The following ADCY8 variants were observed in gnomAD, a reference collection of about 807,000 sequenced individuals.
The protein encoded by ADCY8 is adenylate cyclase 8.
ADCY8 carries 51 observed loss-of-function variants against 119.7 expected under a neutral mutation model. The ratio of observed to expected loss-of-function variants is 0.43; its 90% CI spans 0.34 to 0.54. The LOEUF is 0.54. ADCY8 is among the 20% of genes least tolerant of loss of function. The probability of loss-of-function intolerance (pLI) is 0.03; values close to 1 mark genes in which losing one functional copy is unlikely to be tolerated. For missense variants in ADCY8, 1,383 were observed against 1,598.8 expected (o/e 0.87, Z 2.30); for synonymous variants, 665 against 651.0 (o/e 1.02, Z -0.33).
intron 3 of ADCY8, chr8:130,949,619 G>A (rs2130653797): frequency 6.6e-6 from 1 of 152,176 alleles, no homozygotes; most frequent in South Asian, 2.1e-4. Flanking sequence ...ATGTATTTGT[G>A]TTTTTCACTT....
At chr8:130,919,052 C>T (rs923183441) in intron 5 of ADCY8, among the ~76,000 whole-genome samples, 3 of 152,144 alleles carry the variant, frequency 2.0e-5, no homozygotes, top group Non-Finnish European at 2.9e-5. Context: ...GACAGAGTGA[C>T]AGTCCGTCTC....
At chr8:131,027,268 G>C (rs1002122087) in intron 1 of ADCY8, among the ~76,000 whole-genome samples, 5 of 152,194 alleles carry the variant, frequency 3.3e-5, no homozygotes, top group African/African-American at 4.8e-5. Flanking sequence ...CCCGGAGAAG[G>C]GGTACAGAAG....
chr8:130,962,011 G>A (rs1203631212), intron 2 of ADCY8, among the ~76,000 whole-genome samples: 1 of 152,134 alleles, frequency 6.6e-6, no homozygotes, highest in Non-Finnish European at 1.5e-5. Flanking sequence ...GTCTTTAAGT[G>A]CCAACACTCA....
intron 5 of ADCY8, among the ~76,000 whole-genome samples, chr8:130,919,172 T>C (rs951718222): frequency 6.6e-6 from 1 of 152,218 alleles, no homozygotes; most frequent in Non-Finnish European, 1.5e-5. Context: ...GGAGAGTCAT[T>C]TAACCCGAAA....
intron 12 of ADCY8, among the ~76,000 whole-genome samples, chr8:130,822,300 A>T (rs1816534400): frequency 6.6e-6 from 1 of 152,192 alleles, no homozygotes; most frequent in Non-Finnish European, 1.5e-5. Context: ...GGTACAGGAC[A>T]TCTATTTTGC....
In ADCY8 at chr8:130,780,787, C is replaced by T. The variant is rs889544437; in HGVS notation, c.3359G>A (p.Arg1120Gln). 2 of 1,614,104 alleles carry T rather than the reference C, an allele frequency of 1.2e-6. No individual in the cohort carries two copies. Among genetic ancestry groups the T allele is most frequent in the Non-Finnish European group, 1.7e-6 (2 of 1,180,024 alleles). The change falls in exon 18 of 18, where the codon CGA (arginine) becomes CAA (glutamine). Residue 1120 changes from arginine to glutamine, a missense_variant. Around this residue, in one of 2 missense-constraint regions of ADCY8, gnomAD observed 928 missense variants for 1,163.5 expected, o/e 0.80. Transcript: ENST00000286355. ...IWGKTVNLAS[R>Q]MDSTGVSGRI... ...GCCACTAACCCCCGTGCTGTCCATT[C>T]GGCTTGCCAGGTTCACAGTTTTGCC... is the stretch of plus-strand genomic sequence containing the variant.
chr8:131,010,228 C>A (rs1823257753), intron 1 of ADCY8, among the ~76,000 whole-genome samples: 1 of 152,254 alleles, frequency 6.6e-6, no homozygotes, highest in Non-Finnish European at 1.5e-5. Flanking sequence ...AACATTCGAG[C>A]TAGAGATGTC....
At chr8:130,828,967 G>A (rs1056249876) in intron 12 of ADCY8, among the ~76,000 whole-genome samples, 15 of 152,174 alleles carry the variant, frequency 9.9e-5, no homozygotes, top group African/African-American at 3.1e-4. Context: ...CAAATGTCAC[G>A]TAGTCTCTCC....
intron 1 of ADCY8, among the ~76,000 whole-genome samples, chr8:131,017,511 T>C (rs1190636160): frequency 6.6e-6 from 1 of 152,196 alleles, no homozygotes; most frequent in Non-Finnish European, 1.5e-5. Context: ...GAAATATGCT[T>C]ACATAACTAC....
intron 1 of ADCY8, among the ~76,000 whole-genome samples, chr8:131,021,172 A>G (rs1007499554): frequency 4.6e-5 from 7 of 152,242 alleles, no homozygotes; most frequent in Non-Finnish European, 1.0e-4. Context: ...GTAAAGGAGA[A>G]CTAAAACAAA....
chr8:130,981,864 A>G (rs1822249982), intron 2 of ADCY8, among the ~76,000 whole-genome samples: 1 of 152,146 alleles, frequency 6.6e-6, no homozygotes, highest in Non-Finnish European at 1.5e-5. Flanking sequence ...GCTCTCATCT[A>G]TTGAGGCCCC....
chr8:130,840,961 A>T (rs1259590774), intron 11 of ADCY8, among the ~76,000 whole-genome samples: 2 of 152,192 alleles, frequency 1.3e-5, no homozygotes, highest in African/African-American at 2.4e-5. Flanking sequence ...CCGTTAAAAA[A>T]AATTGGTTAG....
At chr8:130,816,241 A>G (rs1816336807) in intron 13 of ADCY8, among the ~76,000 whole-genome samples, 1 of 152,194 alleles carries the variant, frequency 6.6e-6, no homozygotes. Flanking sequence ...AGTAAACTTT[A>G]GTACAGAAAT....
chr8:130,827,537 C>T (rs956061433), intron 12 of ADCY8, among the ~76,000 whole-genome samples: 1 of 152,216 alleles, frequency 6.6e-6, no homozygotes, highest in African/African-American at 2.4e-5. Flanking sequence ...GGCACATCTG[C>T]TGCTGGCCAG....
At chr8:130,975,845 T>C (rs1399921143) in intron 2 of ADCY8, among the ~76,000 whole-genome samples, 3 of 152,166 alleles carry the variant, frequency 2.0e-5, no homozygotes, top group African/African-American at 7.2e-5. Context: ...AGATCAGAAG[T>C]CACAGATAGA....
chr8:131,032,449 A>G (rs891481673), intron 1 of ADCY8, among the ~76,000 whole-genome samples: 5 of 152,194 alleles, frequency 3.3e-5, no homozygotes, highest in African/African-American at 1.2e-4. Flanking sequence ...TTCAGAGTCC[A>G]GTGCATAGAG....
intron 12 of ADCY8, among the ~76,000 whole-genome samples, chr8:130,832,683 C>G (rs1816874753): frequency 6.6e-6 from 1 of 152,144 alleles, no homozygotes; most frequent in Non-Finnish European, 1.5e-5. Context: ...TCGCCAGCAG[C>G]AATGAACCTG....
At chr8:130,876,457 A>G (rs1249910681) in intron 8 of ADCY8, among the ~76,000 whole-genome samples, 2 of 151,880 alleles carry the variant, frequency 1.3e-5, no homozygotes, top group Non-Finnish European at 2.9e-5. Flanking sequence ...TTTTTGGGAT[A>G]CACAGTTCAA....
intron 5 of ADCY8, among the ~76,000 whole-genome samples, chr8:130,928,338 G>A (rs367971198): frequency 1.3e-5 from 2 of 152,292 alleles, no homozygotes; most frequent in East Asian, 3.9e-4. Context: ...CTCACAATGT[G>A]TTGGGATTAC....
Sources: allele counts gnomAD v4.1 joint callset (sites outside exome capture counted in the v4.1 genomes callset), GRCh38; gene constraint gnomAD v4.1.1; regional missense constraint gnomAD v4.1.1; transcripts MANE v1.5; gene names NCBI Gene and HGNC (gene_info 2026-07-23, HGNC 2026-07-21).